FGF13: variants seen among roughly 807,000 people sequenced by gnomAD.
The protein encoded by FGF13 is fibroblast growth factor 13.
A neutral mutation model predicts 19.5 loss-of-function variants in FGF13; 2 were observed. That is an observed-to-expected ratio of 0.10 (90% confidence interval 0.04 to 0.32). FGF13 has a LOEUF of 0.32. Ranked by LOEUF, FGF13 falls within the 10% of genes least tolerant of loss-of-function variation. The pLI, the probability that FGF13 is intolerant of heterozygous loss-of-function variation, is 1.00. For synonymous variants in FGF13, 72 were observed against 76.9 expected, an observed-to-expected ratio of 0.94 and a Z score of 0.33; for missense variants, 113 against 192.7, an observed-to-expected ratio of 0.59 and a Z score of 2.45.
At chrX:138,847,913 A>C (rs2091194731) in intron 3 of FGF13, among the ~76,000 whole-genome samples, 1 of 111,748 alleles carries the variant, frequency 8.9e-6, no homozygotes, top group Non-Finnish European at 1.9e-5. Flanking sequence ...CAAGCTTTGC[A>C]ATCTTACTCT....
rs1365905435 is a variant in FGF13 at position 138,627,520 on chromosome X, A to C, written c.*5330T>G. The C allele has an allele frequency of 2.8e-5, 3 of 107,613 alleles. No homozygotes were observed. The Admixed American group carries it at 3.1e-4, about 11-fold the overall frequency. 8.9% of individuals were successfully genotyped at this position (107,613 alleles called of 1,213,427 possible). Reference sequence around the variant, plus strand: ...CTTGACTGCTCCATTCTCCCAACTGAATAGACATATGATCAACCTCCCAGA... The same window carrying C: ...CTTGACTGCTCCATTCTCCCAACTGCATAGACATATGATCAACCTCCCAGA... On this transcript the variant is annotated 3_prime_UTR_variant, in exon 5 of 5. Transcript: ENST00000315930.
intron 2 of FGF13, among the ~76,000 whole-genome samples, chrX:138,863,939 T>G (rs983597958): frequency 8.9e-6 from 1 of 112,124 alleles, no homozygotes; most frequent in Non-Finnish European, 1.9e-5. Context: ...ACTGGAACTT[T>G]TGATATTCGA....
At chrX:139,063,496 C>T (rs2092342898) in intron 1 of FGF13, among the ~76,000 whole-genome samples, 1 of 111,608 alleles carries the variant, frequency 9.0e-6, no homozygotes, top group Non-Finnish European at 1.9e-5. Flanking sequence ...TCTAGTATTT[C>T]AAGTTCAAGT....
chrX:138,910,494 C>G (rs1225610276), intron 1 of FGF13, among the ~76,000 whole-genome samples: 1 of 111,839 alleles, frequency 8.9e-6, no homozygotes, highest in African/African-American at 3.3e-5. Flanking sequence ...CCAAATGAAT[C>G]TAATGTCAAC....
chrX:138,886,433 C>G (rs779054344), intron 1 of FGF13, among the ~76,000 whole-genome samples: 3 of 112,133 alleles, frequency 2.7e-5, no homozygotes, highest in South Asian at 7.3e-4. Flanking sequence ...AAAAAGAAAT[C>G]CTAGTATTTT....
At chrX:139,180,394 T>C (rs2084229052) in intron 1 of FGF13, among the ~76,000 whole-genome samples, 1 of 112,070 alleles carries the variant, frequency 8.9e-6, no homozygotes, top group African/African-American at 3.2e-5. Context: ...CTTCTGGAAC[T>C]TACATACCCT....
At chrX:138,855,022 G>A (rs1340315827), downstream of FGF13, among the ~76,000 whole-genome samples, 1 of 111,058 alleles carries the variant, frequency 9.0e-6, no homozygotes, top group Non-Finnish European at 1.9e-5. Flanking sequence ...AAAAAAAGAG[G>A]TCTTTTATTT....
intron 3 of FGF13, among the ~76,000 whole-genome samples, chrX:138,780,373 T>C (rs1380915610): frequency 7.2e-3 from 493 of 68,577 alleles, no homozygotes; most frequent in African/African-American, 0.01. Flanking sequence ...GACTGGCAAA[T>C]TGGATAAAGA....
At chrX:138,950,533 T>C (rs1006178345) in intron 1 of FGF13, among the ~76,000 whole-genome samples, 6 of 111,937 alleles carry the variant, frequency 5.4e-5, no homozygotes, top group African/African-American at 1.6e-4. Flanking sequence ...TCTATGTTTG[T>C]TTTATGTCAA....
At chrX:138,766,834 AATTTTTGT>A (rs748990085) in intron 3 of FGF13, among the ~76,000 whole-genome samples, 2 of 112,157 alleles carry the variant, frequency 1.8e-5, no homozygotes, top group Admixed American at 1.9e-4. Context: ...ATTTTGAGTT[AATTTTTGT>A]ATATGGTGAA....
intron 1 of FGF13, among the ~76,000 whole-genome samples, chrX:139,013,064 T>C (rs1424169103): frequency 1.8e-5 from 2 of 111,368 alleles, no homozygotes; most frequent in African/African-American, 6.5e-5. Context: ...AAAGAAGATA[T>C]ACAAATGGTC....
intron 3 of FGF13, among the ~76,000 whole-genome samples, chrX:138,656,468 C>A (rs2089439104): frequency 1.8e-5 from 2 of 111,014 alleles, no homozygotes; most frequent in Non-Finnish European, 3.8e-5. Context: ...CTAAGGCTTT[C>A]TCCAGGCTGC....
At chrX:138,642,843 A>G (rs10521788) in intron 3 of FGF13, among the ~76,000 whole-genome samples, 8,235 of 111,539 alleles carry the variant, frequency 0.074, 380 homozygotes, top group East Asian at 0.38. Flanking sequence ...GTGCTTAAAT[A>G]AAAGGGCTTC....
intron 3 of FGF13, among the ~76,000 whole-genome samples, chrX:138,781,798 A>G (rs1371345617): frequency 8.9e-6 from 1 of 111,892 alleles, no homozygotes; most frequent in Non-Finnish European, 1.9e-5. Context: ...ATCCTCCCTA[A>G]CTCATTTTAC....
chrX:138,790,714 A>C (rs374932548), intron 3 of FGF13, among the ~76,000 whole-genome samples: 23 of 112,216 alleles, frequency 2.0e-4, no homozygotes, highest in African/African-American at 7.5e-4. Flanking sequence ...ATGCAGCTGA[A>C]TTGTCCCCTC....
intron 1 of FGF13, among the ~76,000 whole-genome samples, chrX:139,188,019 C>T (rs1040213069): frequency 8.9e-6 from 1 of 112,210 alleles, no homozygotes; most frequent in Non-Finnish European, 1.9e-5. Context: ...TCTTACTCAT[C>T]CTTCAGGTGT....
chrX:138,899,218 G>A (rs2124207132), intron 1 of FGF13, among the ~76,000 whole-genome samples: 1 of 111,541 alleles, frequency 9.0e-6, no homozygotes, highest in African/African-American at 3.3e-5. Flanking sequence ...TGGGTTATAA[G>A]AACATGTAGA....
chrX:138,937,019 G>T (rs1165838130), intron 1 of FGF13, among the ~76,000 whole-genome samples: 2 of 111,692 alleles, frequency 1.8e-5, no homozygotes, highest in South Asian at 7.6e-4. Context: ...TCTCTCTCAA[G>T]TGGTGCTCTT....
At chrX:139,129,871 T>C (rs1310790287) in intron 1 of FGF13, among the ~76,000 whole-genome samples, 2 of 111,829 alleles carry the variant, frequency 1.8e-5, no homozygotes, top group Non-Finnish European at 3.8e-5. Flanking sequence ...AAGTCCCTGA[T>C]GTTCCACCTT....
Sources: gnomAD v4.1 joint callset for allele counts (sites outside exome capture counted in the v4.1 genomes callset) on GRCh38, gnomAD v4.1.1 for gene constraint, MANE v1.5 for transcripts, NCBI Gene and HGNC (gene_info 2026-07-23, HGNC 2026-07-21) for gene names.